The following CDH13 variants were observed in gnomAD, a reference collection of about 807,000 sequenced individuals.
The protein encoded by CDH13 is cadherin-13.
Under a neutral mutation model 63.8 loss-of-function variants are expected in CDH13, and 24 were observed. That is an observed-to-expected ratio of 0.38 (90% CI 0.27 to 0.53). CDH13 has a LOEUF of 0.53. Among genes scored for constraint, CDH13 ranks in the 20% least tolerant of loss-of-function variants. CDH13 has a pLI of 0.85. For missense variants in CDH13, 1,049 were observed against 903.1 expected (o/e 1.16, Z -2.07); for synonymous variants, 503 against 355.3 (o/e 1.42, Z -4.67).
intron 2 of CDH13, among the ~76,000 whole-genome samples, chr16:82,929,092 C>G (rs938429722): frequency 6.6e-6 from 1 of 152,104 alleles, no homozygotes; most frequent in Non-Finnish European, 1.5e-5. Context: ...GATTAGATCA[C>G]CTTTAAAAAA....
intron 6 of CDH13, among the ~76,000 whole-genome samples, chr16:83,463,796 C>T (rs2151528515): frequency 6.6e-6 from 1 of 152,238 alleles, no homozygotes; most frequent in East Asian, 1.9e-4. Flanking sequence ...CTGAGTGAGA[C>T]TCTGTCTCCA....
intron 7 of CDH13, among the ~76,000 whole-genome samples, chr16:83,556,793 C>T (rs1216551795): frequency 6.6e-6 from 1 of 152,214 alleles, no homozygotes; most frequent in African/African-American, 2.4e-5. Context: ...CTTCACGCCA[C>T]ACTTAGGCAA....
chr16:83,722,011 A>T (rs573403273), intron 10 of CDH13, among the ~76,000 whole-genome samples: 27 of 152,246 alleles, frequency 1.8e-4, no homozygotes, highest in African/African-American at 6.0e-4. Context: ...GGAGGGGTCC[A>T]TGTGCAAAAG....
chr16:83,056,136 A>G (rs1024913339), intron 3 of CDH13, among the ~76,000 whole-genome samples: 8 of 152,332 alleles, frequency 5.3e-5, no homozygotes, highest in Non-Finnish European at 1.2e-4. Context: ...GGAAATGCAA[A>G]GGAAAACTAC....
intron 1 of CDH13, among the ~76,000 whole-genome samples, chr16:82,828,261 A>G (rs193215268): frequency 1.3e-5 from 2 of 152,270 alleles, no homozygotes; most frequent in East Asian, 3.9e-4. Context: ...CGTCTGTTTC[A>G]CACACAGTCA....
At chr16:83,725,313 T>G (rs995551642) in intron 10 of CDH13, among the ~76,000 whole-genome samples, 4 of 152,184 alleles carry the variant, frequency 2.6e-5, no homozygotes, top group Non-Finnish European at 4.4e-5. Context: ...GTCTTGTGTA[T>G]CCTGTGGATC....
intron 1 of CDH13, among the ~76,000 whole-genome samples, chr16:82,693,025 C>T (rs1450881468): frequency 6.6e-6 from 1 of 152,150 alleles, no homozygotes; most frequent in South Asian, 2.1e-4. Flanking sequence ...TTTGATAAAG[C>T]AAGTTGTCAT....
intron 2 of CDH13, among the ~76,000 whole-genome samples, chr16:82,865,596 A>G (rs1257021521): frequency 6.6e-6 from 1 of 152,216 alleles, no homozygotes. Flanking sequence ...CAAAGCAGCA[A>G]GGCCCTGGGT....
At chr16:83,434,322 A>G (rs1472451900) in intron 6 of CDH13, among the ~76,000 whole-genome samples, 1 of 152,172 alleles carries the variant, frequency 6.6e-6, no homozygotes, top group Non-Finnish European at 1.5e-5. Context: ...TCCACTGGCT[A>G]GATAGCCTTG....
At chr16:83,030,562 G>A (rs1916209280) in intron 2 of CDH13, among the ~76,000 whole-genome samples, 1 of 149,890 alleles carries the variant, frequency 6.7e-6, no homozygotes, top group Admixed American at 6.7e-5. Context: ...AGAATCACTG[G>A]AACCCGGGAG....
At chr16:83,749,572 T>C (rs989463406) in intron 11 of CDH13, among the ~76,000 whole-genome samples, 1 of 152,220 alleles carries the variant, frequency 6.6e-6, no homozygotes, top group Non-Finnish European at 1.5e-5. Context: ...GATGATTCAT[T>C]TGATAGAACA....
At chr16:83,690,204 C>T (rs887204680) in intron 10 of CDH13, among the ~76,000 whole-genome samples, 3 of 151,974 alleles carry the variant, frequency 2.0e-5, no homozygotes, top group South Asian at 2.1e-4. Context: ...CTGTTATCAT[C>T]GAAATCATAT....
intron 2 of CDH13, among the ~76,000 whole-genome samples, chr16:83,019,553 T>C (rs957138738): frequency 8.5e-4 from 128 of 150,634 alleles, no homozygotes; most frequent in African/African-American, 2.7e-3. Flanking sequence ...TAGAGTACCG[T>C]GGCCCGATCT....
At chr16:83,142,163 T>TG (rs1555602290) in intron 4 of CDH13, among the ~76,000 whole-genome samples, 2 of 141,424 alleles carry the variant, frequency 1.4e-5, no homozygotes, top group South Asian at 2.3e-4. Flanking sequence ...TGTTTTTGTT[T>TG]TTTTTTTTTT....
At chr16:83,166,636 C>G (rs1436032121) in intron 4 of CDH13, among the ~76,000 whole-genome samples, 2 of 152,048 alleles carry the variant, frequency 1.3e-5, no homozygotes, top group African/African-American at 4.8e-5. Flanking sequence ...TCTTACCTGC[C>G]CCATTTCCAT....
chr16:83,283,036 G>T (rs2089219903), intron 5 of CDH13, among the ~76,000 whole-genome samples: 1 of 152,196 alleles, frequency 6.6e-6, no homozygotes, highest in South Asian at 2.1e-4. Flanking sequence ...AATTAGGTGA[G>T]ATTCTGTATT....
intron 4 of CDH13, among the ~76,000 whole-genome samples, chr16:83,203,701 A>C (rs949716248): frequency 4.6e-5 from 7 of 151,826 alleles, no homozygotes; most frequent in African/African-American, 1.7e-4. Flanking sequence ...ATAAAAAATA[A>C]AGCAAAATCT....
chr16:83,284,693 G>C (rs980617712), intron 5 of CDH13, among the ~76,000 whole-genome samples: 6 of 151,848 alleles, frequency 4.0e-5, no homozygotes, highest in Admixed American at 2.0e-4. Flanking sequence ...TAATAATATA[G>C]TAAATATAAG....
chr16:82,935,818 A>T (rs1220622424), intron 2 of CDH13, among the ~76,000 whole-genome samples: 1 of 152,168 alleles, frequency 6.6e-6, no homozygotes, highest in African/African-American at 2.4e-5. Flanking sequence ...ATGGACACAC[A>T]CGAGGAGTTT....
Sources: allele counts gnomAD v4.1 joint callset (sites outside exome capture counted in the v4.1 genomes callset), GRCh38; gene constraint gnomAD v4.1.1; transcripts MANE v1.5; gene names NCBI Gene and HGNC (gene_info 2026-07-23, HGNC 2026-07-21).